FILIP1: variants seen among roughly 807,000 people sequenced by gnomAD.
FILIP1 encodes the protein filamin A interacting protein 1, also known as filamin-A-interacting protein 1.
A neutral mutation model predicts 102.1 loss-of-function variants in FILIP1; 61 were observed. That is an observed-to-expected ratio of 0.60 (90% CI 0.49 to 0.74). The LOEUF is 0.74. Ranked by LOEUF, FILIP1 falls within the 30% of genes least tolerant of loss-of-function variation. The pLI is 0.00. For synonymous variants in FILIP1, 491 were observed against 526.9 expected, an observed-to-expected ratio of 0.93 and a Z score of 0.93; for missense variants, 1,314 against 1,441.2, an observed-to-expected ratio of 0.91 and a Z score of 1.43.
chr6:75,470,135 T>G (rs888101828), intron 1 of FILIP1, among the ~76,000 whole-genome samples: 2 of 151,996 alleles, frequency 1.3e-5, no homozygotes, highest in Non-Finnish European at 2.9e-5. Flanking sequence ...CTGTTATTAT[T>G]TACAGAGAAA....
chr6:75,369,159 C>T (rs1372182557), intron 2 of FILIP1, among the ~76,000 whole-genome samples: 3 of 152,150 alleles, frequency 2.0e-5, no homozygotes, highest in Non-Finnish European at 4.4e-5. Flanking sequence ...AGTCCCTGAC[C>T]TTTCTGCACC....
chr6:75,359,874 G>C (rs1279247751), intron 3 of FILIP1, among the ~76,000 whole-genome samples: 1 of 152,138 alleles, frequency 6.6e-6, no homozygotes, highest in Non-Finnish European at 1.5e-5. Context: ...CCTGGGAACA[G>C]GGCCTGAAAA....
intron 4 of FILIP1, among the ~76,000 whole-genome samples, chr6:75,320,504 G>A (rs1773613762): frequency 1.3e-5 from 2 of 152,150 alleles, no homozygotes; most frequent in African/African-American, 2.4e-5. Flanking sequence ...CTGAGCCCGG[G>A]AGGCAGAGGT....
chr6:75,402,577 C>G (rs1285662176), intron 2 of FILIP1, among the ~76,000 whole-genome samples: 3 of 152,044 alleles, frequency 2.0e-5, no homozygotes, highest in African/African-American at 7.2e-5. Flanking sequence ...GGAGGCCTTC[C>G]CATGTGACAA....
At chr6:75,422,314 T>C (rs1278894792) in intron 1 of FILIP1, among the ~76,000 whole-genome samples, 1 of 152,180 alleles carries the variant, frequency 6.6e-6, no homozygotes, top group Non-Finnish European at 1.5e-5. Context: ...TAAGTGATTA[T>C]GAAAGTTCTT....
At chr6:75,388,909 TG>T (rs1776189222) in intron 2 of FILIP1, among the ~76,000 whole-genome samples, 1 of 152,182 alleles carries the variant, frequency 6.6e-6, no homozygotes, top group Non-Finnish European at 1.5e-5. Flanking sequence ...AATACTATGT[TG>T]AATAGGAGTG....
intron 4 of FILIP1, among the ~76,000 whole-genome samples, chr6:75,336,513 A>G (rs1359026337): frequency 6.6e-6 from 1 of 152,106 alleles, no homozygotes; most frequent in Non-Finnish European, 1.5e-5. Context: ...ATGTGAAAAA[A>G]AAAAGGGAAT....
rs71561424 is a variant in FILIP1 at position 75,315,194 on chromosome 6, T to C, written c.638A>G (p.Lys213Arg). The C allele has an allele frequency of 2.6e-6, 4 of 1,533,572 alleles. No individual in the cohort carries two copies. The highest frequency in any genetic ancestry group is 3.5e-6 in the Non-Finnish European group (4 of 1,145,372). The allele number at this position is 1,533,572 out of a possible 1,614,324, so 95.0% of individuals were successfully genotyped here. ...ATAAGCCTTTTCTTGTTCAAGGAGC[T>C]TTTTTAACCTAGAAAATAAAATATA... Reference protein sequence around the residue: ...LLEQERERLKKLLEQEKAYQA... With the variant: ...LLEQERERLKRLLEQEKAYQA... The change falls in exon 5 of 6, where the codon AAG (lysine) becomes AGG (arginine). Residue 213 changes from lysine (K) to arginine (R), a missense_variant. Transcript: ENST00000237172.
chr6:75,367,889 T>C (rs1445251105), intron 2 of FILIP1, among the ~76,000 whole-genome samples: 5 of 152,236 alleles, frequency 3.3e-5, no homozygotes, highest in African/African-American at 1.2e-4. Flanking sequence ...ACTTCTGTTC[T>C]TGAGCATTAA....
At chr6:75,354,095 A>C (rs749630444) in intron 3 of FILIP1, among the ~76,000 whole-genome samples, 1 of 152,158 alleles carries the variant, frequency 6.6e-6, no homozygotes, top group Non-Finnish European at 1.5e-5. Context: ...CATGTCCTTT[A>C]GTGAACATAT....
chr6:75,434,756 G>T (rs1777954707), intron 1 of FILIP1, among the ~76,000 whole-genome samples: 1 of 152,190 alleles, frequency 6.6e-6, no homozygotes, highest in Non-Finnish European at 1.5e-5. Flanking sequence ...GGGCATCCCT[G>T]TCTTGTGCCA....
chr6:75,336,084 TTTG>T (rs1039628876), intron 4 of FILIP1, among the ~76,000 whole-genome samples: 5 of 152,210 alleles, frequency 3.3e-5, no homozygotes, highest in South Asian at 2.1e-4. Context: ...TGTTTTGTTT[TTTG>T]TTGTTGTTTT....
chr6:75,489,153 T>A (rs1036590004), intron 1 of FILIP1, among the ~76,000 whole-genome samples: 1 of 152,256 alleles, frequency 6.6e-6, no homozygotes, highest in South Asian at 2.1e-4. Flanking sequence ...GCACTGTGTA[T>A]AAACACACTT....
At chr6:75,297,564 AC>A (rs1177285195) in intron 6 of FILIP1, among the ~76,000 whole-genome samples, 8 of 152,126 alleles carry the variant, frequency 5.3e-5, no homozygotes, top group African/African-American at 1.9e-4. Context: ...GCCCTTATAA[AC>A]CATCTCGTTT....
rs376734688 is a variant in FILIP1, at chr6:75,392,219, A to G, written c.276+22478T>C. The stretch of plus-strand genomic sequence containing the variant: ...AGTCCTTGGACCTCTTATCTTTTCT[A>G]TCTAAATTTGCTTTCTTCATGATTT... On this transcript the variant is annotated intron_variant, in intron 2 of 5. Coordinates refer to ENST00000237172, the MANE Select transcript of FILIP1 (RefSeq NM_015687.5). Among the ~76,000 whole-genome samples the G allele has an allele frequency of 4.6e-5, 7 of 152,056 alleles. No individual in the cohort carries two copies. The East Asian group carries it at 1.4e-3, about 29-fold the overall frequency.
At chr6:75,396,176 G>T (rs1776453872) in intron 2 of FILIP1, among the ~76,000 whole-genome samples, 1 of 151,832 alleles carries the variant, frequency 6.6e-6, no homozygotes, top group African/African-American at 2.4e-5. Flanking sequence ...AGTATGACAG[G>T]ATCATAAATT....
intron 2 of FILIP1, among the ~76,000 whole-genome samples, chr6:75,383,472 A>C (rs1775968143): frequency 6.6e-6 from 1 of 152,162 alleles, no homozygotes; most frequent in Admixed American, 6.6e-5. Flanking sequence ...TTAAAGACAA[A>C]ATTATGACAC....
At chr6:75,325,187 CA>C (rs1373888314) in intron 4 of FILIP1, among the ~76,000 whole-genome samples, 1 of 152,066 alleles carries the variant, frequency 6.6e-6, no homozygotes, top group Non-Finnish European at 1.5e-5. Flanking sequence ...AGGCCGAGGC[CA>C]AGGCAGGTGG....
chr6:75,427,876 C>T (rs756878933), intron 1 of FILIP1, among the ~76,000 whole-genome samples: 1 of 152,116 alleles, frequency 6.6e-6, no homozygotes, highest in Non-Finnish European at 1.5e-5. Flanking sequence ...AAATTTAAAT[C>T]ACATGGCAGC....
Sources: gnomAD v4.1 joint callset for allele counts (sites outside exome capture counted in the v4.1 genomes callset) on GRCh38, gnomAD v4.1.1 for gene constraint, MANE v1.5 for transcripts, NCBI Gene and HGNC (gene_info 2026-07-23, HGNC 2026-07-21) for gene names.